NRXN3: variants seen among roughly 807,000 people sequenced by gnomAD.
The protein encoded by NRXN3 is neurexin III.
A neutral mutation model predicts 137.6 loss-of-function variants in NRXN3; 32 were observed. The observed-to-expected ratio is 0.23, with a 90% CI of 0.18 to 0.31. The LOEUF is 0.31. Among genes scored for constraint, NRXN3 ranks in the 10% least tolerant of loss-of-function variants. NRXN3 has a pLI of 1.00. For missense variants in NRXN3, 1,574 were observed against 2,062.5 expected (o/e 0.76, Z 4.59); for synonymous variants, 798 against 784.5 (o/e 1.02, Z -0.29).
chr14:79,609,550 A>G (rs1296548992), intron 16 of NRXN3, among the ~76,000 whole-genome samples: 1 of 152,172 alleles, frequency 6.6e-6, no homozygotes, highest in East Asian at 1.9e-4. Flanking sequence ...CTGTGATAAC[A>G]CTCATTAGGG....
chr14:79,673,794 T>A (rs1025671999), intron 17 of NRXN3, among the ~76,000 whole-genome samples: 1 of 152,070 alleles, frequency 6.6e-6, no homozygotes, highest in Non-Finnish European at 1.5e-5. Flanking sequence ...AAGACATTTT[T>A]ATTGAGCAGT....
intron 15 of NRXN3, among the ~76,000 whole-genome samples, chr14:79,333,324 G>T (rs1313423664): frequency 6.6e-6 from 1 of 152,094 alleles, no homozygotes; most frequent in African/African-American, 2.4e-5. Context: ...TCCTGGTGTG[G>T]CTCGTTCTGC....
chr14:79,251,576 T>C (rs773836126), intron 15 of NRXN3, among the ~76,000 whole-genome samples: 45 of 152,134 alleles, frequency 3.0e-4, no homozygotes, highest in Non-Finnish European at 5.1e-4. Context: ...GTTCGGATTA[T>C]TGGATGACAT....
chr14:78,490,919 C>T (rs957602443), intron 4 of NRXN3, among the ~76,000 whole-genome samples: 23 of 152,026 alleles, frequency 1.5e-4, no homozygotes, highest in African/African-American at 4.3e-4. Context: ...ATTTGATGAC[C>T]GGTATTTTGT....
chr14:78,910,926 A>G (rs1467661519), intron 10 of NRXN3, among the ~76,000 whole-genome samples: 1 of 152,084 alleles, frequency 6.6e-6, no homozygotes, highest in Non-Finnish European at 1.5e-5. Context: ...TCCACCCCAT[A>G]TCAATGCAAT....
At chr14:78,380,307 C>CAAAAAAAAA (rs34099445) in intron 4 of NRXN3, among the ~76,000 whole-genome samples, 1 of 100,506 alleles carries the variant, frequency 9.9e-6, no homozygotes, top group Non-Finnish European at 1.9e-5. Flanking sequence ...GACTCCGTCT[C>CAAAAAAAAA]AAAAAAAAAA....
chr14:78,325,183 C>T (rs574475851), intron 4 of NRXN3, among the ~76,000 whole-genome samples: 10 of 152,016 alleles, frequency 6.6e-5, no homozygotes, highest in Admixed American at 1.3e-4. Flanking sequence ...GGTCCAAGGC[C>T]GTCCAAGGAT....
chr14:79,079,098 T>G (rs936879877), intron 15 of NRXN3, among the ~76,000 whole-genome samples: 4 of 152,178 alleles, frequency 2.6e-5, no homozygotes, highest in Non-Finnish European at 5.9e-5. Flanking sequence ...CAAAGATCAT[T>G]CTCTTCCTGG....
intron 10 of NRXN3, among the ~76,000 whole-genome samples, chr14:78,952,270 A>G (rs2099388603): frequency 6.6e-6 from 1 of 152,212 alleles, no homozygotes. Flanking sequence ...CTTTAAAACT[A>G]AGTTTGTAAA....
At chr14:78,338,114 C>G (rs540078802) in intron 4 of NRXN3, among the ~76,000 whole-genome samples, 36 of 152,218 alleles carry the variant, frequency 2.4e-4, no homozygotes, top group Non-Finnish European at 4.4e-4. Context: ...CTAAATTATT[C>G]CCAGAAGAGT....
intron 15 of NRXN3, among the ~76,000 whole-genome samples, chr14:79,345,931 G>T (rs1018847614): frequency 6.6e-6 from 1 of 152,072 alleles, no homozygotes; most frequent in Non-Finnish European, 1.5e-5. Flanking sequence ...AAAAATGGCC[G>T]AACACACAAG....
intron 15 of NRXN3, among the ~76,000 whole-genome samples, chr14:79,133,949 AAAGG>A (rs1278922967): frequency 2.4e-5 from 3 of 122,930 alleles, no homozygotes; most frequent in African/African-American, 9.3e-5. Flanking sequence ...AAAAAAAAAA[AAAGG>A]AAAGAAAAAA....
intron 15 of NRXN3, among the ~76,000 whole-genome samples, chr14:79,089,294 A>G (rs1343137349): frequency 6.6e-6 from 1 of 152,184 alleles, no homozygotes; most frequent in Non-Finnish European, 1.5e-5. Flanking sequence ...GTAAGGAAAA[A>G]ACTGCTTTGA....
At chr14:79,244,140 G>A (rs2153354475) in intron 15 of NRXN3, among the ~76,000 whole-genome samples, 1 of 152,172 alleles carries the variant, frequency 6.6e-6, no homozygotes, top group East Asian at 1.9e-4. Flanking sequence ...GATATTGACT[G>A]GTCAGTCCCA....
intron 15 of NRXN3, among the ~76,000 whole-genome samples, chr14:79,152,950 C>A (rs1263718110): frequency 1.3e-5 from 2 of 151,850 alleles, no homozygotes; most frequent in Non-Finnish European, 2.9e-5. Flanking sequence ...GCATTTTATT[C>A]TTGGTCACTG....
At chr14:78,357,339 G>A (rs544764379) in intron 4 of NRXN3, among the ~76,000 whole-genome samples, 3 of 152,092 alleles carry the variant, frequency 2.0e-5, no homozygotes, top group Non-Finnish European at 2.9e-5. Flanking sequence ...AGAGAACAGC[G>A]CAGGAAAGGC....
At chr14:78,548,669 C>T (rs897810653) in intron 4 of NRXN3, among the ~76,000 whole-genome samples, 1 of 152,186 alleles carries the variant, frequency 6.6e-6, no homozygotes. Flanking sequence ...CTGGTTGTTA[C>T]ATTGTCCCCT....
At chr14:78,759,767 G>A (rs1446240833) in intron 8 of NRXN3, among the ~76,000 whole-genome samples, 1 of 152,230 alleles carries the variant, frequency 6.6e-6, no homozygotes, top group Non-Finnish European at 1.5e-5. Context: ...AACAGAAGGA[G>A]TAGAAATTTG....
intron 19 of NRXN3, among the ~76,000 whole-genome samples, chr14:79,770,150 C>G (rs987093969): frequency 6.6e-6 from 1 of 151,848 alleles, no homozygotes; most frequent in Non-Finnish European, 1.5e-5. Context: ...TACAAAGAGA[C>G]TTAGACTCCC....
Sources: allele counts gnomAD v4.1 joint callset (sites outside exome capture counted in the v4.1 genomes callset), GRCh38; gene constraint gnomAD v4.1.1; transcripts MANE v1.5; gene names NCBI Gene and HGNC (gene_info 2026-07-23, HGNC 2026-07-21).